The following THADA variants were observed in gnomAD, a reference collection of about 807,000 sequenced individuals.
THADA encodes THADA armadillo repeat containing.
Under a neutral mutation model 219.8 loss-of-function variants are expected in THADA, and 213 were observed. The observed-to-expected ratio is 0.97, with a 90% CI of 0.87 to 1.09. The LOEUF (loss-of-function observed/expected upper bound fraction) is 1.09, where lower values mean the gene tolerates loss of function less well. Ranked by LOEUF, THADA falls within the 50% of genes least tolerant of loss-of-function variation. THADA has a pLI of 0.00. For missense variants in THADA, 2,956 were observed against 2,311.3 expected (o/e 1.28, Z -5.72); for synonymous variants, 1,018 against 828.9 (o/e 1.23, Z -3.92).
intron 30 of THADA, among the ~76,000 whole-genome samples, chr2:43,341,351 G>C (rs1667042226): frequency 1.3e-5 from 2 of 152,158 alleles, no homozygotes; most frequent in South Asian, 4.1e-4. Context: ...ATCAGAAGTG[G>C]GGTGGGGAGC....
chr2:43,317,183 C>A (rs1430890858), intron 31 of THADA, among the ~76,000 whole-genome samples: 1 of 152,158 alleles, frequency 6.6e-6, no homozygotes, highest in Admixed American at 6.5e-5. Flanking sequence ...ATACTTCCTA[C>A]TCTGGACTTT....
chr2:43,249,591 C>A (rs1001621254), intron 36 of THADA, among the ~76,000 whole-genome samples: 1 of 152,198 alleles, frequency 6.6e-6, no homozygotes, highest in South Asian at 2.1e-4. Flanking sequence ...TCCCGGCCCC[C>A]TAGTTGCAGG....
chr2:43,384,793 C>T (rs984109826), intron 29 of THADA, among the ~76,000 whole-genome samples: 2 of 152,100 alleles, frequency 1.3e-5, no homozygotes, highest in African/African-American at 4.8e-5. Flanking sequence ...TAGTGTGACT[C>T]TATCTCTACA....
chr2:43,367,756 G>C (rs1283123760), intron 29 of THADA, among the ~76,000 whole-genome samples: 1 of 152,150 alleles, frequency 6.6e-6, no homozygotes, highest in Non-Finnish European at 1.5e-5. Flanking sequence ...TGCTTTTCCA[G>C]TCTCTCTACT....
chr2:43,479,102 TCTTAA>T (rs1188590315), intron 26 of THADA, among the ~76,000 whole-genome samples: 7 of 152,172 alleles, frequency 4.6e-5, no homozygotes, highest in Admixed American at 2.0e-4. Context: ...ACACTAGAGC[TCTTAA>T]CTTACTTTCA....
intron 36 of THADA, among the ~76,000 whole-genome samples, chr2:43,276,904 T>C (rs939566181): frequency 2.0e-5 from 3 of 152,192 alleles, no homozygotes; most frequent in Admixed American, 2.0e-4. Context: ...TTTGAAACTC[T>C]GAAGTCACCT....
chr2:43,361,232 G>A (rs576797805), intron 29 of THADA, among the ~76,000 whole-genome samples: 67 of 152,182 alleles, frequency 4.4e-4, no homozygotes, highest in Non-Finnish European at 9.0e-4. Flanking sequence ...ATAGCTGGTA[G>A]CCTTAGAAAA....
At chr2:43,232,166 T>C (rs375213148) in intron 37 of THADA, among the ~76,000 whole-genome samples, 6 of 152,078 alleles carry the variant, frequency 3.9e-5, no homozygotes, top group Non-Finnish European at 7.4e-5. Context: ...GGGGCTTCTT[T>C]TTTTCTTTTC....
At position 43,551,589 on chromosome 2, in the gene THADA, A is replaced by ATTT. The variant is rs34513683; in HGVS notation, c.2947+197_2947+199dup. 2.8e-3 allele frequency among the ~76,000 whole-genome samples: 378 copies of ATTT among 135,128 alleles called. 6 individuals are homozygous for ATTT. The highest frequency in any genetic ancestry group is 9.9e-3 in the African/African-American group (363 of 36,592). The allele number at this position is 135,128 out of a possible 152,430, so 88.6% of individuals were successfully genotyped here. On this transcript the variant is annotated intron_variant, in intron 19 of 37. Coordinates refer to ENST00000405975, the MANE Select transcript of THADA (RefSeq NM_022065.5). ...ACCGTGCTCATCCTCTGGTTTGGGAATTTTTTTTTTTTTTTTTTTGCTACT... is the reference window on the plus strand; with the variant it reads ...ACCGTGCTCATCCTCTGGTTTGGGAATTTTTTTTTTTTTTTTTTTTTTGCTACT...
intron 29 of THADA, among the ~76,000 whole-genome samples, chr2:43,347,465 G>A (rs553768299): frequency 1.8e-4 from 27 of 152,262 alleles, no homozygotes; most frequent in Middle Eastern, 3.4e-3. Context: ...GGAAGGGTAT[G>A]CAAGCAGTGA....
chr2:43,383,920 G>A (rs1042004826), intron 29 of THADA, among the ~76,000 whole-genome samples: 1 of 152,002 alleles, frequency 6.6e-6, no homozygotes, highest in African/African-American at 2.4e-5. Context: ...AGACTTTTTG[G>A]TGGTATTTTG....
intron 25 of THADA, among the ~76,000 whole-genome samples, chr2:43,497,749 G>A (rs1397171663): frequency 3.9e-5 from 6 of 152,094 alleles, no homozygotes; most frequent in Non-Finnish European, 8.8e-5. Flanking sequence ...GCTGGGTGTG[G>A]TGGCATCCAC....
intron 36 of THADA, among the ~76,000 whole-genome samples, chr2:43,266,971 A>G (rs1007275125): frequency 6.6e-6 from 1 of 151,896 alleles, no homozygotes; most frequent in Non-Finnish European, 1.5e-5. Context: ...TTTGGTCTCT[A>G]CTAAGTGTTT....
chr2:43,518,932 G>A (rs1285907945), intron 22 of THADA, among the ~76,000 whole-genome samples: 1 of 152,042 alleles, frequency 6.6e-6, no homozygotes, highest in Admixed American at 6.6e-5. Context: ...CTCCTGACCT[G>A]TATTTCCAAC....
chr2:43,291,865 G>T, intron 33 of THADA, 97 bp from the exon 34 acceptor site: 1 of 1,111,976 alleles, frequency 9.0e-7, no homozygotes, highest in Non-Finnish European at 1.3e-6. Context: ...ATGCAGAGGT[G>T]AATACTGAAA....
At chr2:43,292,309 A>G in intron 32 of THADA, 87 bp from the exon 33 acceptor site, 1 of 849,342 alleles carries the variant, frequency 1.2e-6, no homozygotes, top group Non-Finnish European at 1.8e-6. Flanking sequence ...AATTGTATCA[A>G]CAAGAGGTCT....
intron 36 of THADA, among the ~76,000 whole-genome samples, chr2:43,259,775 G>A (rs942586248): frequency 4.6e-5 from 7 of 152,120 alleles, no homozygotes; most frequent in African/African-American, 1.7e-4. Flanking sequence ...TATAAACACT[G>A]TTGAAAGGAA....
chr2:43,401,119 G>A (rs945099983), intron 28 of THADA, among the ~76,000 whole-genome samples: 2 of 152,086 alleles, frequency 1.3e-5, no homozygotes, highest in African/African-American at 2.4e-5. Context: ...CTATGTTCTA[G>A]GCCTGAATAC....
chr2:43,371,834 TC>T (rs1558654493), intron 29 of THADA: 1 of 151,876 alleles, frequency 6.6e-6, no homozygotes, highest in Non-Finnish European at 1.5e-5. Flanking sequence ...ATTTCCCTTT[TC>T]TGGTGCACTA....
Sources: allele counts gnomAD v4.1 joint callset (sites outside exome capture counted in the v4.1 genomes callset), GRCh38; gene constraint gnomAD v4.1.1; transcripts MANE v1.5; gene names NCBI Gene and HGNC (gene_info 2026-07-23, HGNC 2026-07-21).